Variants in GPD2 observed in about 807,000 individuals in gnomAD.
GPD2 encodes glycerol-3-phosphate dehydrogenase, mitochondrial.
GPD2 carries 54 observed loss-of-function variants against 82.4 expected under a neutral mutation model. The ratio of observed to expected loss-of-function variants is 0.66; its 90% confidence interval spans 0.53 to 0.82. GPD2 has a LOEUF of 0.82. GPD2 is among the 40% of genes least tolerant of loss of function. The pLI is 0.00. For synonymous variants in GPD2, 288 were observed against 306.1 expected (o/e 0.94, Z 0.62); for missense variants, 748 against 896.2 (o/e 0.83, Z 2.11).
chr2:156,487,077 G>A (rs957581598), intron 2 of GPD2, among the ~76,000 whole-genome samples: 11 of 152,104 alleles, frequency 7.2e-5, no homozygotes, highest in Admixed American at 7.2e-4. Flanking sequence ...ATGCCAAGGC[G>A]GGCAGATCAC....
intron 2 of GPD2, among the ~76,000 whole-genome samples, chr2:156,483,987 CTTT>C (rs10610989): frequency 1.3e-3 from 120 of 92,276 alleles, no homozygotes; most frequent in Middle Eastern, 6.3e-3. Flanking sequence ...TGCTTGCTTG[CTTT>C]TTTTTTTTTT....
chr2:156,574,928 T>G (rs1171017991), intron 13 of GPD2, among the ~76,000 whole-genome samples: 1 of 152,200 alleles, frequency 6.6e-6, no homozygotes, highest in African/African-American at 2.4e-5. Flanking sequence ...ACTATTCAAT[T>G]TATAATTTAC....
chr2:156,508,986 C>G (rs544285952), intron 3 of GPD2, among the ~76,000 whole-genome samples: 51 of 152,286 alleles, frequency 3.3e-4, no homozygotes, highest in African/African-American at 1.2e-3. Context: ...TAGTTCATGC[C>G]TAATTCACTT....
intron 9 of GPD2, among the ~76,000 whole-genome samples, chr2:156,567,781 C>T (rs563763995): frequency 6.6e-6 from 1 of 152,226 alleles, no homozygotes; most frequent in South Asian, 2.1e-4. Flanking sequence ...TAGATGAGAA[C>T]CATAGCTCAC....
Position 156,476,175 on chromosome 2 carries a change from CTT to C in GPD2, c.72_73del (p.Gln26ValfsTer15), listed in dbSNP as rs1219638921. ...AGGTGCTCTTGCAACTGTTTTAGGACTTTCTCAGTTTGCTCATTACAGAAGGA... is the reference window on the plus strand; with the variant it reads ...AGGTGCTCTTGCAACTGTTTTAGGACTCTCAGTTTGCTCATTACAGAAGGA... The part of the protein sequence containing the change: ...GGGALATVLG[L>X]SQFAHYRRKQ... On this transcript the variant is annotated frameshift_variant, in exon 2 of 17. Transcript: ENST00000438166. LOFTEE classifies it high-confidence loss of function. 6.2e-7 allele frequency: 1 copy of C among 1,607,142 alleles called. No individual in the cohort carries two copies. Among genetic ancestry groups the C allele is most frequent in the Non-Finnish European group, 8.5e-7 (1 of 1,173,824 alleles).
At chr2:156,444,198 C>T (rs1682274888) in intron 1 of GPD2, among the ~76,000 whole-genome samples, 2 of 152,184 alleles carry the variant, frequency 1.3e-5, no homozygotes, top group African/African-American at 2.4e-5. Flanking sequence ...CTAGATTTTC[C>T]TTTTATTACC....
chr2:156,476,986 T>C (rs1438837627), intron 2 of GPD2, among the ~76,000 whole-genome samples: 1 of 152,232 alleles, frequency 6.6e-6, no homozygotes, highest in Non-Finnish European at 1.5e-5. Flanking sequence ...GCAAACAATT[T>C]GTAACTGAGT....
At chr2:156,509,157 C>G (rs1282055421) in intron 3 of GPD2, among the ~76,000 whole-genome samples, 1 of 152,072 alleles carries the variant, frequency 6.6e-6, no homozygotes, top group East Asian at 1.9e-4. Flanking sequence ...AAAGGAGTGA[C>G]CTGGGGCTGT....
chr2:156,438,577 A>G (rs1242265888), intron 1 of GPD2, among the ~76,000 whole-genome samples: 1 of 152,140 alleles, frequency 6.6e-6, no homozygotes, highest in Non-Finnish European at 1.5e-5. Flanking sequence ...ATCAGTATCT[A>G]ATTTCTCAGT....
At position 156,577,101 on chromosome 2, in the gene GPD2, A is replaced by T. The variant is rs185058141; in HGVS notation, c.1768-1788A>T. Among the ~76,000 whole-genome samples the T allele has an allele frequency of 1.5e-4, 23 of 152,322 alleles. No individual in the cohort carries two copies. In the East Asian group the frequency reaches 4.4e-3, roughly 29 times the overall value. On this transcript the variant is annotated intron_variant, in intron 13 of 16. Coordinates refer to ENST00000438166, the MANE Select transcript of GPD2 (RefSeq NM_000408.5). ...AGAATTATTCACGTTGATAATTTTT[A>T]ATTTTGTTATTTAAGAACATGAAGG...
At chr2:156,452,173 C>T (rs1022816352) in intron 1 of GPD2, among the ~76,000 whole-genome samples, 1 of 152,250 alleles carries the variant, frequency 6.6e-6, no homozygotes, top group Non-Finnish European at 1.5e-5. Flanking sequence ...AGAGGCTGCA[C>T]TCCTGGCACT....
Position 156,476,735 on chromosome 2 carries a change from A to C in GPD2, c.102+528A>C, listed in dbSNP as rs77343296. The stretch of plus-strand genomic sequence containing the variant: ...TGGTAAGAAGTTTCCAAATATTATG[A>C]AGTGTTCAGTTTGTTTTCTTTTTTT... On this transcript the variant is annotated intron_variant, in intron 2 of 16. Transcript: ENST00000438166. Among the ~76,000 whole-genome samples the C allele has an allele frequency of 9.7e-4, 147 of 152,314 alleles. 4 individuals carry two copies. In the East Asian group the frequency reaches 0.028, roughly 29 times the overall value.
At chr2:156,542,206 A>C (rs904989728) in intron 6 of GPD2, among the ~76,000 whole-genome samples, 4 of 152,150 alleles carry the variant, frequency 2.6e-5, no homozygotes, top group African/African-American at 9.6e-5. Context: ...CAAATAGCTT[A>C]TTTCAGAACT....
At chr2:156,517,859 C>T (rs978072784) in intron 6 of GPD2, among the ~76,000 whole-genome samples, 1 of 152,022 alleles carries the variant, frequency 6.6e-6, no homozygotes, top group African/African-American at 2.4e-5. Flanking sequence ...AATTAAAAAT[C>T]ATTAAATATT....
intron 8 of GPD2, among the ~76,000 whole-genome samples, chr2:156,553,298 C>A (rs1026054913): frequency 1.2e-4 from 18 of 152,064 alleles, no homozygotes; most frequent in African/African-American, 4.3e-4. Context: ...CGGTGTCTGG[C>A]ACGTATTAGT....
At chr2:156,409,301 G>A in the GPD2 span, among the ~76,000 whole-genome samples, 1 of 152,180 alleles carries the variant, frequency 6.6e-6, no homozygotes, top group Non-Finnish European at 1.5e-5. Flanking sequence ...TTACATTTTT[G>A]ACTTGGCAGA....
chr2:156,550,909 A>C (rs1416820855), intron 8 of GPD2, among the ~76,000 whole-genome samples, 163 bp downstream of exon 8: 1 of 152,196 alleles, frequency 6.6e-6, no homozygotes, highest in Non-Finnish European at 1.5e-5. Context: ...TACAAACCAG[A>C]CTTGGGAAGT....
At chr2:156,416,838 G>A in the GPD2 span, among the ~76,000 whole-genome samples, 1 of 152,102 alleles carries the variant, frequency 6.6e-6, no homozygotes, top group Non-Finnish European at 1.5e-5. Context: ...GATAAGTGCT[G>A]TGGATAAAAA....
intron 1 of GPD2, among the ~76,000 whole-genome samples, chr2:156,461,157 A>G (rs1427902898): frequency 1.9e-5 from 2 of 106,928 alleles, no homozygotes; most frequent in African/African-American, 3.6e-5. Flanking sequence ...ATCTCTCTCT[A>G]TCTCTTTTTT....
Sources: allele counts gnomAD v4.1 joint callset (sites outside exome capture counted in the v4.1 genomes callset), GRCh38; gene constraint gnomAD v4.1.1; transcripts MANE v1.5; gene names NCBI Gene and HGNC (gene_info 2026-07-23, HGNC 2026-07-21).